GALNT9: variants seen among roughly 807,000 people sequenced by gnomAD.
GALNT9 encodes GalNAc transferase 9.
Under a neutral mutation model 63.1 loss-of-function variants are expected in GALNT9, and 47 were observed. The observed-to-expected ratio is 0.75, with a 90% CI of 0.59 to 0.95. The LOEUF (loss-of-function observed/expected upper bound fraction) is 0.95. Ranked by LOEUF, GALNT9 falls within the 40% of genes least tolerant of loss-of-function variation. The pLI, the probability that GALNT9 is intolerant of heterozygous loss-of-function variation, is 0.00. For synonymous variants in GALNT9, 396 were observed against 365.7 expected (o/e 1.08, Z -0.94); for missense variants, 829 against 874.8 (o/e 0.95, Z 0.66).
chr12:132,214,007 C>T (rs1215881814), intron 6 of GALNT9, among the ~76,000 whole-genome samples: 3 of 152,186 alleles, frequency 2.0e-5, no homozygotes, highest in Non-Finnish European at 4.4e-5. Flanking sequence ...TCCTCAACCA[C>T]CCCCGCTCCC....
chr12:132,241,852 A>C (rs2136902552), intron 6 of GALNT9, among the ~76,000 whole-genome samples: 975 of 1,012 alleles, frequency 0.96, 484 homozygotes, highest in Middle Eastern at 1. Flanking sequence ...ACCCCCTTCC[A>C]GGGGCCGTCC....
chr12:132,243,284 A>C (rs372674430), intron 6 of GALNT9, among the ~76,000 whole-genome samples: 3,132 of 27,468 alleles, frequency 0.11, no homozygotes, highest in Middle Eastern at 0.33. Context: ...CACAACACAC[A>C]CTTCCCGGGG....
intron 1 of GALNT9, among the ~76,000 whole-genome samples, chr12:132,303,814 C>T (rs374300037): frequency 1.5e-4 from 4 of 26,502 alleles, no homozygotes; most frequent in South Asian, 2.2e-3. Context: ...CACCCTCACC[C>T]GGGCACACCC....
At chr12:132,253,032 G>C (rs987700877) in intron 5 of GALNT9, among the ~76,000 whole-genome samples, 1 of 152,128 alleles carries the variant, frequency 6.6e-6, no homozygotes, top group Non-Finnish European at 1.5e-5. Context: ...ACAGGACAGG[G>C]GGCCCTTCCC....
At position 132,218,623 on chromosome 12, in the gene GALNT9, C is replaced by T. The variant is rs78082080; in HGVS notation, c.1078-14933G>A. On this transcript the variant is annotated intron_variant, in intron 6 of 10. Transcript: ENST00000328957. ...CCACCCTCTTGTCACACACATGCCT[C>T]GTTCTGCAGCAGCGATCCATCTTCC... 4.4e-3 allele frequency among the ~76,000 whole-genome samples: 666 copies of T among 152,336 alleles called. 17 individuals are homozygous for T. In the East Asian group the frequency reaches 0.065, roughly 15 times the overall value.
intron 5 of GALNT9, among the ~76,000 whole-genome samples, chr12:132,254,032 T>G (rs994158739): frequency 1.3e-5 from 2 of 152,148 alleles, no homozygotes; most frequent in African/African-American, 2.4e-5. Flanking sequence ...TTTCTTTTTT[T>G]TTTTTTTAGA....
intron 8 of GALNT9, 133 bp from the exon 9 acceptor site, chr12:132,199,402 C>G (rs931749310): frequency 2.3e-5 from 15 of 653,558 alleles, no homozygotes; most frequent in African/African-American, 1.1e-4. Context: ...GTGGGATGCT[C>G]TGGCCGGGTG....
chr12:132,216,071 G>C (rs954842646), intron 6 of GALNT9, among the ~76,000 whole-genome samples: 1 of 152,058 alleles, frequency 6.6e-6, no homozygotes, highest in African/African-American at 2.4e-5. Flanking sequence ...GACATAGAGA[G>C]ACGTAGACAG....
chr12:132,249,183 T>C (rs1878820087), intron 5 of GALNT9, among the ~76,000 whole-genome samples: 1 of 152,242 alleles, frequency 6.6e-6, no homozygotes, highest in African/African-American at 2.4e-5. Flanking sequence ...ACAATTTCCT[T>C]GTCCGTGGAG....
At chr12:132,309,098 C>T (rs1172959659) in intron 1 of GALNT9, among the ~76,000 whole-genome samples, 1 of 152,244 alleles carries the variant, frequency 6.6e-6, no homozygotes, top group Non-Finnish European at 1.5e-5. Context: ...ATTCAGCCCA[C>T]ATCCACCGGG....
At chr12:132,197,541 C>T (rs1593456316) in intron 10 of GALNT9, among the ~76,000 whole-genome samples, 1 of 152,210 alleles carries the variant, frequency 6.6e-6, no homozygotes, top group East Asian at 1.9e-4. Context: ...CTGGAAGAGG[C>T]AGATGCAGGG....
chr12:132,328,090 C>T (rs1299211329), intron 1 of GALNT9, among the ~76,000 whole-genome samples: 1 of 152,228 alleles, frequency 6.6e-6, no homozygotes, highest in African/African-American at 2.4e-5. Context: ...AAACTTTCTC[C>T]TTCCTGGCGC....
At chr12:132,253,179 A>T (rs1878991686) in intron 5 of GALNT9, among the ~76,000 whole-genome samples, 1 of 152,230 alleles carries the variant, frequency 6.6e-6, no homozygotes, top group South Asian at 2.1e-4. Context: ...AAGAGGAACC[A>T]GGAGTGCGGG....
In GALNT9 at chr12:132,296,958, C is replaced by T. The variant is rs143771586; in HGVS notation, c.239-10528G>A. On this transcript the variant is annotated intron_variant, in intron 1 of 10. Coordinates refer to ENST00000328957, the MANE Select transcript of GALNT9 (RefSeq NM_001122636.2). This position sits in a 1 kb window ranked among gnomAD's most constrained non-coding sequence, Gnocchi z 4.2. ...ACAAAGCCACTCCTCAGATAACCAA[C>T]ACATTCCCGAAATAAACAACACACT... Among the ~76,000 whole-genome samples the T allele has an allele frequency of 8.5e-5, 13 of 152,124 alleles. No homozygotes were observed. Among genetic ancestry groups the T allele is most frequent in the Non-Finnish European group, 1.5e-4 (10 of 67,970 alleles).
intron 4 of GALNT9, among the ~76,000 whole-genome samples, chr12:132,258,836 A>G (rs28588195): frequency 0.87 from 133,208 of 152,272 alleles, 58,620 homozygotes; most frequent in Non-Finnish European, 0.92. Context: ...AGATGGCCGC[A>G]GAGGCCCGCC....
At chr12:132,199,033 G>A in intron 9 of GALNT9, 141 bp downstream of exon 9, 2 of 597,534 alleles carry the variant, frequency 3.3e-6, no homozygotes, top group Non-Finnish European at 6.0e-6. Flanking sequence ...CCCTCAGGCT[G>A]CTCCAAGCCC....
chr12:132,285,310 G>T (rs1191552968), intron 2 of GALNT9, among the ~76,000 whole-genome samples: 1 of 152,280 alleles, frequency 6.6e-6, no homozygotes, highest in Non-Finnish European at 1.5e-5. Flanking sequence ...GCATCCTGTC[G>T]CGGGCTGGGC....
chr12:132,314,603 C>A (rs1194000324), intron 1 of GALNT9, among the ~76,000 whole-genome samples: 1 of 152,234 alleles, frequency 6.6e-6, no homozygotes, highest in Non-Finnish European at 1.5e-5. Flanking sequence ...CTGTCCTGAC[C>A]TTCCCCTTCA....
rs1335760464 is a variant in GALNT9 at position 132,316,157 on chromosome 12, G to A, written c.238+12809C>T. Among the ~76,000 whole-genome samples the A allele has an allele frequency of 2.0e-5, 3 of 152,072 alleles. No homozygotes were observed. The highest frequency in any genetic ancestry group is 2.1e-4 in the South Asian group (1 of 4,822). On this transcript the variant is annotated intron_variant, in intron 1 of 10. Coordinates refer to ENST00000328957, the MANE Select transcript of GALNT9 (RefSeq NM_001122636.2). The surrounding 1 kb of genome is among the most constrained non-coding windows in gnomAD (Gnocchi z 4.3). ...AGGAGCTGGCCGCGGGCTGGGAGGC[G>A]ACCCCACAGACCCCAGCGTCCCAGT... is the stretch of plus-strand genomic sequence containing the variant.
Sources: allele counts gnomAD v4.1 joint callset (sites outside exome capture counted in the v4.1 genomes callset), GRCh38; gene constraint gnomAD v4.1.1; non-coding constraint Gnocchi (gnomAD v3.1); transcripts MANE v1.5; gene names NCBI Gene and HGNC (gene_info 2026-07-23, HGNC 2026-07-21).